Variants in JPH3 observed in about 807,000 individuals in gnomAD.
JPH3 encodes junctophilin-3.
Under a neutral mutation model 59.6 loss-of-function variants are expected in JPH3, and 11 were observed. The ratio of observed to expected loss-of-function variants is 0.18; its 90% CI spans 0.12 to 0.31. The LOEUF (loss-of-function observed/expected upper bound fraction) is 0.31, where lower values mean the gene tolerates loss of function less well. Ranked by LOEUF, JPH3 falls within the 10% of genes least tolerant of loss-of-function variation. JPH3 has a pLI of 1.00. For missense variants in JPH3, 1,202 were observed against 1,105.7 expected, an observed-to-expected ratio of 1.09 and a Z score of -1.24; for synonymous variants, 673 against 483.6, an observed-to-expected ratio of 1.39 and a Z score of -5.14.
At chr16:87,648,588 G>T (rs957956317) in intron 2 of JPH3, among the ~76,000 whole-genome samples, 3 of 152,096 alleles carry the variant, frequency 2.0e-5, no homozygotes, top group African/African-American at 7.2e-5. Flanking sequence ...GGTTTTCCTG[G>T]AAAACGGGGC....
intron 4 of JPH3, chr16:87,696,263 G>A (rs754780782): frequency 1.1e-4 from 52 of 479,250 alleles, no homozygotes; most frequent in Non-Finnish European, 1.4e-4. Flanking sequence ...TGCTTGCAGG[G>A]AGGCCTGGGT....
intron 1 of JPH3, 55 bp from the exon 2 acceptor site, chr16:87,644,203 G>T (rs992658133): frequency 2.5e-5 from 38 of 1,534,908 alleles, no homozygotes; most frequent in Non-Finnish European, 3.1e-5. Flanking sequence ...CCGTGGCCAG[G>T]CTGTGCCCCC....
chr16:87,686,844 C>T (rs987851526), intron 3 of JPH3, among the ~76,000 whole-genome samples: 26 of 152,290 alleles, frequency 1.7e-4, no homozygotes, highest in African/African-American at 5.3e-4. Flanking sequence ...CTGTGGGGGC[C>T]GCTGTGATGG....
chr16:87,667,469 A>G (rs959977602), intron 2 of JPH3, among the ~76,000 whole-genome samples: 2 of 152,190 alleles, frequency 1.3e-5, no homozygotes, highest in African/African-American at 4.8e-5. Context: ...CCTGTTCAGA[A>G]AGACAGAAGG....
intron 4 of JPH3, among the ~76,000 whole-genome samples, chr16:87,696,302 C>T (rs1202347912): frequency 6.6e-6 from 1 of 151,964 alleles, no homozygotes; most frequent in Non-Finnish European, 1.5e-5. Flanking sequence ...CCTGGGAGAG[C>T]TGGTACTCAG....
intron 2 of JPH3, among the ~76,000 whole-genome samples, chr16:87,680,962 C>T (rs2033273929): frequency 6.6e-6 from 1 of 152,024 alleles, no homozygotes. Flanking sequence ...CCATTTGGTC[C>T]CTCGTGCTGT....
chr16:87,647,985 G>C (rs1017564549), intron 2 of JPH3, among the ~76,000 whole-genome samples: 1 of 152,226 alleles, frequency 6.6e-6, no homozygotes, highest in Non-Finnish European at 1.5e-5. Flanking sequence ...CTGCTGAAGG[G>C]GGGCGGGGCT....
intron 1 of JPH3, among the ~76,000 whole-genome samples, chr16:87,634,267 C>T (rs2031660369): frequency 6.6e-6 from 1 of 152,106 alleles, no homozygotes; most frequent in South Asian, 2.1e-4. Flanking sequence ...CAGGCGAAGA[C>T]CCCAAAGACA....
Position 87,644,498 on chromosome 16 carries a change from A to G in JPH3, c.623A>G (p.Lys208Arg), listed in dbSNP as rs779154860. 2 of 1,612,850 alleles carry G rather than the reference A, an allele frequency of 1.2e-6. No individual in the cohort carries two copies. The highest frequency in any genetic ancestry group is 1.7e-5 in the Admixed American group (1 of 60,010). Residue 208 changes from lysine (K) to arginine (R), a missense_variant, in exon 2 of 5, where the codon AAG (lysine) becomes AGG (arginine). Coordinates refer to ENST00000284262, the MANE Select transcript of JPH3 (RefSeq NM_020655.4). ...LVAHSDSEIL[K>R]SKKKGLFRRS... ...GCCCACAGTGACTCCGAGATCCTCA[A>G]GAGCAAGAAGAAGGGGCTGTTTCGG...
chr16:87,688,828 G>A (rs1016393771), intron 3 of JPH3, among the ~76,000 whole-genome samples: 13 of 152,194 alleles, frequency 8.5e-5, no homozygotes, highest in Admixed American at 2.6e-4. Context: ...GAATAAAGTC[G>A]GGCATGGCTC....
chr16:87,696,475 C>T, intron 4 of JPH3, 105 bp from the exon 5 acceptor site: 1 of 912,178 alleles, frequency 1.1e-6, no homozygotes, highest in Non-Finnish European at 1.8e-6. Flanking sequence ...CGCTTCCACC[C>T]CCGAGGGTCT....
At chr16:87,657,570 TATATAG>T (rs1300082062) in intron 2 of JPH3, among the ~76,000 whole-genome samples, 1 of 152,166 alleles carries the variant, frequency 6.6e-6, no homozygotes, top group Non-Finnish European at 1.5e-5. Flanking sequence ...AAAAAAATCA[TATATAG>T]AAAGGATGTT....
chr16:87,645,490 C>G (rs2032116527), intron 2 of JPH3, among the ~76,000 whole-genome samples: 1 of 152,166 alleles, frequency 6.6e-6, no homozygotes, highest in Non-Finnish European at 1.5e-5. Flanking sequence ...GACCTGCGAT[C>G]TAGATTCTTC....
In JPH3 at chr16:87,611,588, G is replaced by A. The variant is rs898905855; in HGVS notation, c.382+8060G>A. Among the ~76,000 whole-genome samples the A allele has an allele frequency of 6.6e-6, 1 of 152,104 alleles. No individual in the cohort carries two copies. Among genetic ancestry groups the A allele is most frequent in the African/African-American group, 2.4e-5 (1 of 41,510 alleles). ...ATGCTTTCCAAAAACACCGAGAGTCGCTCTCTCTGCTGCTGGTGGAGTCTG... is the reference window on the plus strand; with the variant it reads ...ATGCTTTCCAAAAACACCGAGAGTCACTCTCTCTGCTGCTGGTGGAGTCTG... On this transcript the variant is annotated intron_variant, in intron 1 of 4. Transcript: ENST00000284262. The surrounding 1 kb of genome is among the most constrained non-coding windows in gnomAD (Gnocchi z 4.5).
chr16:87,638,161 C>G (rs1156579364), intron 1 of JPH3, among the ~76,000 whole-genome samples: 1 of 152,180 alleles, frequency 6.6e-6, no homozygotes, highest in Non-Finnish European at 1.5e-5. Flanking sequence ...CTCAGGTGAT[C>G]TACCTGCCTG....
Position 87,603,222 on chromosome 16 carries a change from G to A in JPH3, c.76G>A (p.Gly26Ser). The A allele has an allele frequency of 6.2e-7, 1 of 1,613,868 alleles. No homozygotes were observed. The highest frequency in any genetic ancestry group is 8.5e-7 in the Non-Finnish European group (1 of 1,179,928). Residue 26 changes from glycine to serine, a missense_variant, in exon 1 of 5, where the codon GGC becomes AGC. By Grantham distance (56) the Gly-to-Ser change is moderately conservative (BLOSUM62 0). Coordinates refer to ENST00000284262, the MANE Select transcript of JPH3 (RefSeq NM_020655.4). Reference protein sequence around the residue: ...CGGWEDGKAHGHGVCTGPKGQ... With the variant: ...CGGWEDGKAHSHGVCTGPKGQ... ...AGGCTGGGAGGACGGCAAGGCGCACGGCCATGGCGTCTGCACCGGCCCCAA... is the reference window on the plus strand; with the variant it reads ...AGGCTGGGAGGACGGCAAGGCGCACAGCCATGGCGTCTGCACCGGCCCCAA...
chr16:87,612,142 G>C (rs1246083720), intron 1 of JPH3, among the ~76,000 whole-genome samples: 1 of 152,116 alleles, frequency 6.6e-6, no homozygotes, highest in Non-Finnish European at 1.5e-5. Context: ...ATTTTTTTCA[G>C]ACGGGGGCTG....
rs2033906275 is a variant in JPH3, at chr16:87,697,114, G to C, written c.*454G>C. ...AGAAAGTGGATTCACTGCTTTCTCT[G>C]TCTAGAACAGACGGGTGACAAGTAT... On this transcript the variant is annotated 3_prime_UTR_variant, in exon 5 of 5. Coordinates refer to ENST00000284262, the MANE Select transcript of JPH3 (RefSeq NM_020655.4). 4.2e-6 allele frequency: 1 copy of C among 236,762 alleles called. No homozygotes were observed. The highest frequency in any genetic ancestry group is 8.4e-6 in the Non-Finnish European group (1 of 118,962). 14.7% of individuals were successfully genotyped at this position (236,762 alleles called of 1,614,324 possible). A position where few individuals can be genotyped will look rare whatever the true frequency, so the allele number is the denominator to read the frequency against.
chr16:87,655,241 G>A (rs558156430), intron 2 of JPH3, among the ~76,000 whole-genome samples: 23 of 152,352 alleles, frequency 1.5e-4, no homozygotes, highest in African/African-American at 5.3e-4. Flanking sequence ...TTCGAGGCGC[G>A]CAGCCTGCCA....
Sources: allele counts gnomAD v4.1 joint callset (sites outside exome capture counted in the v4.1 genomes callset), GRCh38; gene constraint gnomAD v4.1.1; non-coding constraint Gnocchi (gnomAD v3.1); transcripts MANE v1.5; gene names NCBI Gene and HGNC (gene_info 2026-07-23, HGNC 2026-07-21).